Variants in SNX29 observed in about 807,000 individuals in gnomAD.
The protein encoded by SNX29 is sorting nexin-29.
SNX29 carries 78 observed loss-of-function variants against 102.1 expected under a neutral mutation model. That is an observed-to-expected ratio of 0.76 (90% CI 0.64 to 0.92). SNX29 has a LOEUF of 0.92. SNX29 is among the 40% of genes least tolerant of loss of function. SNX29 has a pLI of 0.00. For synonymous variants in SNX29, 580 were observed against 414.5 expected (o/e 1.40, Z -4.85); for missense variants, 1,280 against 1,061.7 (o/e 1.21, Z -2.86).
chr16:12,085,910 G>A (rs1345621946), intron 11 of SNX29, among the ~76,000 whole-genome samples: 2 of 152,118 alleles, frequency 1.3e-5, no homozygotes, highest in Non-Finnish European at 2.9e-5. Context: ...TAGTTACTGA[G>A]CACCTACTGT....
intron 16 of SNX29, among the ~76,000 whole-genome samples, chr16:12,379,780 C>A (rs1214821975): frequency 6.6e-6 from 1 of 152,116 alleles, no homozygotes; most frequent in Non-Finnish European, 1.5e-5. Context: ...GGTCAGGGCT[C>A]TAATTGAGGG....
At chr16:12,072,212 G>T (rs948464223) in intron 10 of SNX29, among the ~76,000 whole-genome samples, 2 of 152,184 alleles carry the variant, frequency 1.3e-5, no homozygotes, top group African/African-American at 4.8e-5. Context: ...ATGTTGAATA[G>T]GAGTTGTGAG....
At chr16:12,543,786 G>A (rs1017519439) in intron 20 of SNX29, among the ~76,000 whole-genome samples, 2 of 152,190 alleles carry the variant, frequency 1.3e-5, no homozygotes, top group African/African-American at 4.8e-5. Context: ...GATGTATCTG[G>A]TGCTCTAGAG....
At chr16:12,547,771 A>G (rs2077701963) in intron 20 of SNX29, among the ~76,000 whole-genome samples, 1 of 152,136 alleles carries the variant, frequency 6.6e-6, no homozygotes, top group South Asian at 2.1e-4. Flanking sequence ...AGCTGCTCAC[A>G]CTTGCCTGGC....
chr16:12,377,071 A>G (rs1444115034), intron 16 of SNX29, among the ~76,000 whole-genome samples: 1 of 152,186 alleles, frequency 6.6e-6, no homozygotes, highest in Non-Finnish European at 1.5e-5. Flanking sequence ...GACGGGGATC[A>G]AGGACCTGGG....
intron 19 of SNX29, among the ~76,000 whole-genome samples, chr16:12,516,341 G>A (rs1041896476): frequency 2.0e-5 from 3 of 152,098 alleles, no homozygotes; most frequent in Non-Finnish European, 2.9e-5. Flanking sequence ...TTAGCCAGAC[G>A]TGGTGGTGTG....
chr16:12,084,939 G>GTGTA (rs2151374533), intron 11 of SNX29, among the ~76,000 whole-genome samples: 2 of 152,202 alleles, frequency 1.3e-5, no homozygotes, highest in African/African-American at 4.8e-5. Flanking sequence ...ATATGGTGGT[G>GTGTA]CGTACCTGTA....
At chr16:12,128,088 CA>C (rs527315269) in intron 12 of SNX29, among the ~76,000 whole-genome samples, 4 of 152,160 alleles carry the variant, frequency 2.6e-5, no homozygotes, top group Non-Finnish European at 5.9e-5. Context: ...TAAAAGCAAA[CA>C]AACATGATTT....
chr16:12,470,340 C>G (rs1567596930), intron 18 of SNX29, among the ~76,000 whole-genome samples: 2 of 152,178 alleles, frequency 1.3e-5, no homozygotes, highest in Non-Finnish European at 2.9e-5. Flanking sequence ...TTTCTGAGTT[C>G]TCACCGCCTT....
At chr16:12,531,926 A>G (rs1290404510) in intron 20 of SNX29, among the ~76,000 whole-genome samples, 5 of 152,208 alleles carry the variant, frequency 3.3e-5, no homozygotes, top group Non-Finnish European at 7.3e-5. Context: ...AAACCAGTCA[A>G]GAGGTCGGAG....
intron 3 of SNX29, among the ~76,000 whole-genome samples, chr16:12,004,454 A>C (rs1317465509): frequency 3.3e-5 from 5 of 152,142 alleles, no homozygotes; most frequent in Admixed American, 1.3e-4. Context: ...GGGCTTGGTA[A>C]AGGTAGGAGA....
chr16:12,242,135 G>A (rs1179437246), intron 14 of SNX29, among the ~76,000 whole-genome samples: 1 of 151,990 alleles, frequency 6.6e-6, no homozygotes, highest in African/African-American at 2.4e-5. Context: ...CCAAAAATGG[G>A]TGCTCTTTCC....
chr16:12,571,825 C>T lies in SNX29; in HGVS notation c.*3196C>T. 1.9e-6 allele frequency: 2 copies of T among 1,041,416 alleles called. No individual in the cohort carries two copies. The highest frequency in any genetic ancestry group is 1.2e-6 in the Non-Finnish European group (1 of 858,676). The allele number at this position is 1,041,416 out of a possible 1,614,324, so 64.5% of individuals were successfully genotyped here. ...GTGTGAAATTCCAGCTTCTTTGATTCCCACTTAGCAGTATGCTCCAATCAC... is the reference window on the plus strand; with the variant it reads ...GTGTGAAATTCCAGCTTCTTTGATTTCCACTTAGCAGTATGCTCCAATCAC... On this transcript the variant is annotated 3_prime_UTR_variant, in exon 21 of 21. Transcript: ENST00000566228.
Position 12,570,653 on chromosome 16 carries a change from C to G in SNX29, c.*2024C>G, listed in dbSNP as rs1237368046. 1 of 232,028 alleles carries G rather than the reference C, an allele frequency of 4.3e-6. No homozygotes were observed. The highest frequency in any genetic ancestry group is 6.1e-5 in the East Asian group (1 of 16,356). The allele number at this position is 232,028 out of a possible 1,614,324, so 14.4% of individuals were successfully genotyped here. ...AGGAACCTCCCCCATCTGTGACATT[C>G]CCTTGGGCCCAGGCTTATGACCTGC... On this transcript the variant is annotated 3_prime_UTR_variant, in exon 21 of 21. Transcript: ENST00000566228.
intron 1 of SNX29, among the ~76,000 whole-genome samples, chr16:11,986,131 A>G (rs2055614449): frequency 6.6e-6 from 1 of 151,856 alleles, no homozygotes; most frequent in East Asian, 1.9e-4. Flanking sequence ...GAGGTGGGAG[A>G]GCCAGTAGGG....
intron 14 of SNX29, among the ~76,000 whole-genome samples, chr16:12,230,957 C>G (rs764671600): frequency 2.0e-5 from 3 of 152,096 alleles, no homozygotes; most frequent in Admixed American, 6.6e-5. Context: ...AGCGATTCTC[C>G]TGCCTCAGCC....
intron 11 of SNX29, among the ~76,000 whole-genome samples, chr16:12,083,584 C>T (rs905307323): frequency 6.6e-6 from 1 of 152,152 alleles, no homozygotes; most frequent in African/African-American, 2.4e-5. Context: ...CATATAAACT[C>T]CGATTGGGAG....
chr16:12,254,160 G>A (rs908384019), intron 14 of SNX29, among the ~76,000 whole-genome samples: 4 of 152,118 alleles, frequency 2.6e-5, no homozygotes, highest in African/African-American at 9.7e-5. Flanking sequence ...GAACATCTAC[G>A]GAGAGACAGA....
At chr16:12,067,765 G>T (rs575219020) in intron 9 of SNX29, among the ~76,000 whole-genome samples, 94 of 152,346 alleles carry the variant, frequency 6.2e-4, no homozygotes, top group African/African-American at 2.1e-3. Context: ...TGGGATTACA[G>T]GCGTGAGCCA....
Sources: gnomAD v4.1 joint callset for allele counts (sites outside exome capture counted in the v4.1 genomes callset) on GRCh38, gnomAD v4.1.1 for gene constraint, MANE v1.5 for transcripts, NCBI Gene and HGNC (gene_info 2026-07-23, HGNC 2026-07-21) for gene names.